Variants in USP9X observed in about 807,000 individuals in gnomAD.
The protein encoded by USP9X is ubiquitin carboxyl-terminal hydrolase 9X.
A neutral mutation model predicts 190.3 loss-of-function variants in USP9X; 7 were observed. The observed-to-expected ratio is 0.04, with a 90% CI of 0.02 to 0.07. USP9X has a LOEUF of 0.07. Ranked by LOEUF, USP9X falls within the 10% of genes least tolerant of loss-of-function variation. USP9X has a pLI of 1.00. For synonymous variants in USP9X, 645 were observed against 659.5 expected (o/e 0.98, Z 0.34); for missense variants, 1,010 against 1,916.9 (o/e 0.53, Z 8.83).
At chrX:41,194,980 A>G (rs12857881) in intron 26 of USP9X, among the ~76,000 whole-genome samples, 2,879 of 111,452 alleles carry the variant, frequency 0.026, 35 homozygotes, top group Non-Finnish European at 0.039. Flanking sequence ...TCATGAGACA[A>G]GGTTTTCCCA....
At chrX:41,122,545 G>A (rs756583057) in intron 1 of USP9X, among the ~76,000 whole-genome samples, 6 of 111,886 alleles carry the variant, frequency 5.4e-5, no homozygotes, top group Non-Finnish European at 9.4e-5. Flanking sequence ...CAGGTGAGCA[G>A]GTACAGGAGC....
intron 39 of USP9X, 90 bp from the exon 40 acceptor site, chrX:41,224,652 A>T (rs2063297324): frequency 1.9e-5 from 16 of 854,290 alleles, no homozygotes; most frequent in Admixed American, 3.1e-5. Context: ...AATAAAAAAA[A>T]ATTATAGGCT....
chrX:41,093,061 TTGAC>T (rs761868331), intron 1 of USP9X, among the ~76,000 whole-genome samples: 1 of 111,368 alleles, frequency 9.0e-6, no homozygotes, highest in African/African-American at 3.3e-5. Context: ...GAACAGGGGT[TTGAC>T]TGTGTTTCCC....
At chrX:41,148,336 G>A in intron 11 of USP9X, 33 bp from the exon 12 acceptor site, 1 of 1,197,452 alleles carries the variant, frequency 8.4e-7, no homozygotes, top group Non-Finnish European at 1.1e-6. Context: ...GACTAAATAT[G>A]TGTTGTTTTC....
Position 41,235,297 on chromosome X carries a change from T to C in USP9X, c.*2773T>C, listed in dbSNP as rs2063392033. The C allele has an allele frequency of 8.8e-6, 1 of 113,130 alleles. No homozygotes were observed. The highest frequency in any genetic ancestry group is 3.6e-4 in the South Asian group (1 of 2,775). 9.3% of individuals were successfully genotyped at this position (113,130 alleles called of 1,213,427 possible). On this transcript the variant is annotated 3_prime_UTR_variant, in exon 45 of 45. Coordinates refer to ENST00000378308, the MANE Select transcript of USP9X (RefSeq NM_001039591.3). ...ATAACCAGAAATTTAAAGATGCATG[T>C]TGTTGCAAGAGCAACATAATGGTGA...
intron 35 of USP9X, 78 bp downstream of exon 35, chrX:41,216,730 A>C: frequency 9.5e-7 from 1 of 1,050,370 alleles, no homozygotes; most frequent in Non-Finnish European, 1.3e-6. Flanking sequence ...AGTTCATAAA[A>C]TTAATGTTTT....
intron 33 of USP9X, among the ~76,000 whole-genome samples, chrX:41,213,233 G>A (rs1423169916): frequency 9.0e-6 from 1 of 111,447 alleles, no homozygotes; most frequent in African/African-American, 3.3e-5. Context: ...GGAGTTAGAA[G>A]TTCCAGTGAA....
At chrX:41,139,941 A>G (rs2062407700) in intron 6 of USP9X, among the ~76,000 whole-genome samples, 1 of 111,860 alleles carries the variant, frequency 8.9e-6, no homozygotes, top group African/African-American at 3.3e-5. Flanking sequence ...TTATATTTAT[A>G]TAGCCTTTTA....
chrX:41,160,128 TCCTA>T (rs1259786720), intron 14 of USP9X, among the ~76,000 whole-genome samples: 2 of 109,949 alleles, frequency 1.8e-5, no homozygotes, highest in Non-Finnish European at 1.9e-5. Flanking sequence ...CACTACCTCT[TCCTA>T]CCTATTTTCA....
chrX:41,144,823 A>G (rs1337141552), intron 11 of USP9X, among the ~76,000 whole-genome samples, 197 bp downstream of exon 11: 1 of 111,119 alleles, frequency 9.0e-6, no homozygotes, highest in Non-Finnish European at 1.9e-5. Context: ...CATAATGGAA[A>G]CTCAGGCTAT....
chrX:41,148,621 A>G lies in USP9X; in HGVS notation c.1626+46A>G, dbSNP rs202157551. On this transcript the variant is annotated intron_variant, in intron 12 of 44. Coordinates refer to ENST00000378308, the MANE Select transcript of USP9X (RefSeq NM_001039591.3). ...TCACTTTTTGTGACTTTTCCCCTTC[A>G]GTTAGGTTGGCTTAGTTACAGGATA... 3 of 1,130,132 alleles carry G rather than the reference A, an allele frequency of 2.7e-6. No individual in the cohort carries two copies. The African/African-American group carries it at 5.4e-5, about 20-fold the overall frequency. The allele number at this position is 1,130,132 out of a possible 1,213,427, so 93.1% of individuals were successfully genotyped here.
rs1022743838 is a variant in USP9X, at chrX:41,085,909, G to A, written c.-359G>A. The A allele has an allele frequency of 4.4e-5, 13 of 296,936 alleles. No individual in the cohort carries two copies. The highest frequency in any genetic ancestry group is 6.5e-5 in the Non-Finnish European group (11 of 170,518). The allele number at this position is 296,936 out of a possible 1,213,427, so 24.5% of individuals were successfully genotyped here. A position where few individuals can be genotyped will look rare whatever the true frequency, so the allele number is the denominator to read the frequency against. On this transcript the variant is annotated 5_prime_UTR_variant, in exon 1 of 45. Coordinates refer to ENST00000378308, the MANE Select transcript of USP9X (RefSeq NM_001039591.3). ...GCGGGCGCGGCGAGGAGCGAGTTCC[G>A]GCGCCGGTGTGCAGCCTTTTGGTTG...
chrX:41,223,768 CAT>C (rs1348471015), intron 39 of USP9X, among the ~76,000 whole-genome samples: 1 of 111,751 alleles, frequency 8.9e-6, no homozygotes, highest in Non-Finnish European at 1.9e-5. Flanking sequence ...TGCTGCTGGG[CAT>C]ATATAGTACT....
At chrX:41,224,020 C>T (rs372592879) in intron 39 of USP9X, among the ~76,000 whole-genome samples, 13 of 109,863 alleles carry the variant, frequency 1.2e-4, no homozygotes, top group African/African-American at 4.0e-4. Flanking sequence ...GGCAACATAG[C>T]GAGACTTCAT....
At chrX:41,191,063 C>T (rs1006304492) in intron 26 of USP9X, among the ~76,000 whole-genome samples, 1 of 111,352 alleles carries the variant, frequency 9.0e-6, no homozygotes, top group Admixed American at 9.6e-5. Context: ...CACGGTGGCT[C>T]ATGCTTGTAA....
At chrX:41,191,884 A>T (rs896305147) in intron 26 of USP9X, among the ~76,000 whole-genome samples, 6 of 111,782 alleles carry the variant, frequency 5.4e-5, no homozygotes, top group African/African-American at 2.0e-4. Flanking sequence ...TTTGGGCAGG[A>T]TTTATATGTG....
At chrX:41,225,836 C>T (rs1024494469) in intron 41 of USP9X, among the ~76,000 whole-genome samples, 5 of 112,810 alleles carry the variant, frequency 4.4e-5, no homozygotes, top group African/African-American at 1.6e-4. Context: ...ACATCACAGC[C>T]TTCTTGTGGT....
chrX:41,091,101 C>G (rs973332904), intron 1 of USP9X, among the ~76,000 whole-genome samples: 27 of 111,016 alleles, frequency 2.4e-4, no homozygotes, highest in African/African-American at 8.9e-4. Context: ...TCTCTAAAGT[C>G]TTTAGTGCTA....
intron 1 of USP9X, among the ~76,000 whole-genome samples, chrX:41,091,599 C>T (rs1251409906): frequency 8.9e-6 from 1 of 112,133 alleles, no homozygotes; most frequent in African/African-American, 3.2e-5. Flanking sequence ...TAGTTTATCA[C>T]ATTCTTGCTA....
Sources: allele counts gnomAD v4.1 joint callset (sites outside exome capture counted in the v4.1 genomes callset), GRCh38; gene constraint gnomAD v4.1.1; transcripts MANE v1.5; gene names NCBI Gene and HGNC (gene_info 2026-07-23, HGNC 2026-07-21).